ZNF850: variants seen among roughly 807,000 people sequenced by gnomAD.
ZNF850 encodes the protein zinc finger protein 850, also known as putative zinc finger protein ENSP00000330994.
A neutral mutation model predicts 11.9 loss-of-function variants in ZNF850; 2 were observed. The ratio of observed to expected loss-of-function variants is 0.17; its 90% CI spans 0.07 to 0.53. The LOEUF is 0.53. ZNF850 is among the 20% of genes least tolerant of loss of function. ZNF850 has a pLI of 0.94. For synonymous variants in ZNF850, 381 were observed against 443.0 expected (o/e 0.86, Z 1.76); for missense variants, 1,014 against 1,316.4 (o/e 0.77, Z 3.55).
rs893801695 is a variant in ZNF850, at chr19:36,743,636, A to G, written c.*4131T>C. ...GTTTAGTACATAGTAATAGTAATCA[A>G]TTACACAACAGAAAAAATATCCCAA... On this transcript the variant is annotated 3_prime_UTR_variant, in exon 5 of 5. Coordinates refer to ENST00000591344, the MANE Select transcript of ZNF850 (RefSeq NM_001193552.2). 2.6e-5 allele frequency: 4 copies of G among 151,554 alleles called. No individual in the cohort carries two copies. Among genetic ancestry groups the G allele is most frequent in the Non-Finnish European group, 5.9e-5 (4 of 67,888 alleles). The allele number at this position is 151,554 out of a possible 1,614,324, so 9.4% of individuals were successfully genotyped here.
At chr19:36,771,941 A>G (rs1040141928) in intron 1 of ZNF850, among the ~76,000 whole-genome samples, 1 of 152,156 alleles carries the variant, frequency 6.6e-6, no homozygotes, top group African/African-American at 2.4e-5. Context: ...TAATTACCCC[A>G]GCCTGGAAGC....
Position 36,748,264 on chromosome 19 carries a change from G to A in ZNF850, c.2776C>T (p.Arg926Ter), listed in dbSNP as rs1467633240. 4 of 1,556,946 alleles carry A rather than the reference G, an allele frequency of 2.6e-6. No individual in the cohort carries two copies. Among genetic ancestry groups the A allele is most frequent in the Non-Finnish European group, 3.5e-6 (4 of 1,154,868 alleles). The change falls in exon 5 of 5, where the codon CGA becomes TGA. Residue 926 changes from arginine (R) to a stop codon, truncating the protein, a stop_gained. Transcript: ENST00000591344. LOFTEE classifies it low-confidence loss of function (END_TRUNC). ...QRIHTGEKPY[R>*]CHECGKAFVR... ...AAGGCTTTTCCACATTCATGACATCGATAAGGTTTCTCACCAGTATGGATT... is the reference window on the plus strand; with the variant it reads ...AAGGCTTTTCCACATTCATGACATCAATAAGGTTTCTCACCAGTATGGATT...
At chr19:36,755,572 G>A (rs930395464) in intron 4 of ZNF850, among the ~76,000 whole-genome samples, 15 of 151,970 alleles carry the variant, frequency 9.9e-5, no homozygotes, top group Admixed American at 5.9e-4. Flanking sequence ...ATCATGGGCC[G>A]GGCTGTGTCT....
Position 36,753,273 on chromosome 19 carries a change from A to G in ZNF850, c.236-2469T>C, listed in dbSNP as rs564987147. ...GACAGAGCGAGACTTCATCTCAGGA[A>G]AAAAAAAAAAAAAAAAAAAGTAAAA... On this transcript the variant is annotated intron_variant, in intron 4 of 4. Transcript: ENST00000591344. Among the ~76,000 whole-genome samples, 731 of 138,846 alleles carry G rather than the reference A, an allele frequency of 5.3e-3. 20 individuals are homozygous for G. The highest frequency in any genetic ancestry group is 0.035 in the Admixed American group (489 of 13,792). 91.1% of individuals were successfully genotyped at this position (138,846 alleles called of 152,430 possible).
rs2040409825 is a variant in ZNF850 at position 36,746,053 on chromosome 19, G to A, written c.*1714C>T. On this transcript the variant is annotated 3_prime_UTR_variant, in exon 5 of 5. Coordinates refer to ENST00000591344, the MANE Select transcript of ZNF850 (RefSeq NM_001193552.2). ...TCTTGTGACTTAGAATGACTTATCT[G>A]TCTAGGAATGCAGTCCAGTAGGTTT... 2 of 152,154 alleles carry A rather than the reference G, an allele frequency of 1.3e-5. No homozygotes were observed. Among genetic ancestry groups the A allele is most frequent in the African/African-American group, 4.8e-5 (2 of 41,420 alleles). The allele number at this position is 152,154 out of a possible 1,614,324, so 9.4% of individuals were successfully genotyped here. A position where few individuals can be genotyped will look rare whatever the true frequency, so the allele number is the denominator to read the frequency against.
intron 1 of ZNF850, 121 bp downstream of exon 1, chr19:36,772,604 A>C (rs905813743): frequency 6.5e-6 from 1 of 153,714 alleles, no homozygotes; most frequent in African/African-American, 2.4e-5. Context: ...GATCACCCAG[A>C]GTCAGCACCA....
chr19:36,762,236 GA>G, intron 3 of ZNF850, 68 bp downstream of exon 3: 1 of 1,354,620 alleles, frequency 7.4e-7, no homozygotes, highest in Non-Finnish European at 9.8e-7. Context: ...GGCAACAGGT[GA>G]AAAGTCACCC....
At chr19:36,762,896 T>C (rs2040527827) in intron 1 of ZNF850, among the ~76,000 whole-genome samples, 1 of 152,056 alleles carries the variant, frequency 6.6e-6, no homozygotes, top group African/African-American at 2.4e-5. Context: ...TTTTTTGTTT[T>C]TGTTTTCGTT....
chr19:36,748,585 C>T lies in ZNF850; in HGVS notation c.2455G>A (p.Gly819Arg). ...GCTGAGCGAAGAGTAAAAGATTTCC[C>T]ACATTCCTTGCAATGATAAGGTTTC... ...GEKPYHCKEC[G>R]KSFTLRSALI... Residue 819 changes from glycine (G) to arginine (R), a missense_variant, in exon 5 of 5, where the codon GGG becomes AGG. By Grantham distance (125) the Gly-to-Arg change is moderately radical. This residue lies in a region of ZNF850 where 835 missense variants were observed against 1,022.0 expected (regional missense o/e 0.82). Transcript: ENST00000591344. The T allele has an allele frequency of 6.5e-7, 1 of 1,537,110 alleles. No individual in the cohort carries two copies. The highest frequency in any genetic ancestry group is 8.7e-7 in the Non-Finnish European group (1 of 1,146,922).
At chr19:36,763,971 G>T (rs2040534328) in intron 1 of ZNF850, among the ~76,000 whole-genome samples, 1 of 151,952 alleles carries the variant, frequency 6.6e-6, no homozygotes, top group South Asian at 2.1e-4. Context: ...CAAAGGCCAG[G>T]TGTGATGGCT....
intron 1 of ZNF850, among the ~76,000 whole-genome samples, chr19:36,770,527 C>T (rs1226576207): frequency 1.3e-5 from 2 of 151,738 alleles, no homozygotes; most frequent in African/African-American, 4.8e-5. Context: ...GGTGAAACCC[C>T]GTCTCTACTA....
chr19:36,750,253 T>C lies in ZNF850; in HGVS notation c.787A>G (p.Arg263Gly). ...HECQESVKAF[R>G]PSAHLIQHWR... The stretch of plus-strand genomic sequence containing the variant: ...TGTTGAATAAGATGTGCAGACGGTC[T>C]AAAGGCCTTCACGGATTCCTGACAC... Residue 263 changes from arginine (R) to glycine (G), a missense_variant, in exon 5 of 5, where the codon AGA becomes GGA. Physicochemically the swap from Arg to Gly is moderately radical, Grantham distance 125. Around this residue, in one of 2 missense-constraint regions of ZNF850, gnomAD observed 835 missense variants for 1,022.0 expected, o/e 0.82. Coordinates refer to ENST00000591344, the MANE Select transcript of ZNF850 (RefSeq NM_001193552.2). 1 of 1,537,646 alleles carries C rather than the reference T, an allele frequency of 6.5e-7. No individual in the cohort carries two copies. The highest frequency in any genetic ancestry group is 8.7e-7 in the Non-Finnish European group (1 of 1,146,848).
rs2073335246 is a variant in ZNF850, at chr19:36,750,888, C to T, written c.236-84G>A. ...ATCTATGGTAGAAAGGGGAGACAAA[C>T]TGAAAATAATGTCCTTAAGAATTAA... On this transcript the variant is annotated intron_variant, in intron 4 of 4. Coordinates refer to ENST00000591344, the MANE Select transcript of ZNF850 (RefSeq NM_001193552.2). 4 of 1,333,302 alleles carry T rather than the reference C, an allele frequency of 3.0e-6. No individual in the cohort carries two copies. In the African/African-American group the frequency reaches 4.4e-5, roughly 15 times the overall value. 82.6% of individuals were successfully genotyped at this position (1,333,302 alleles called of 1,614,324 possible). A position where few individuals can be genotyped will look rare whatever the true frequency, so the allele number is the denominator to read the frequency against.
chr19:36,771,307 G>A (rs893314555), intron 1 of ZNF850, among the ~76,000 whole-genome samples: 9 of 152,208 alleles, frequency 5.9e-5, no homozygotes, highest in Admixed American at 2.0e-4. Flanking sequence ...GGGCTGTCTT[G>A]AAGAAAGCAC....
intron 1 of ZNF850, among the ~76,000 whole-genome samples, chr19:36,770,467 G>A (rs2040574008): frequency 6.6e-6 from 1 of 152,102 alleles, no homozygotes; most frequent in Non-Finnish European, 1.5e-5. Context: ...GGGAGGCCGA[G>A]GCAGGCAGAT....
intron 4 of ZNF850, 87 bp downstream of exon 4, chr19:36,761,556 C>T (rs1600613397): frequency 1.5e-6 from 1 of 681,034 alleles, no homozygotes. Context: ...GAAGAGACTC[C>T]TCAACCAATA....
At chr19:36,770,816 G>GA (rs758582248) in intron 1 of ZNF850, among the ~76,000 whole-genome samples, 21 of 144,896 alleles carry the variant, frequency 1.4e-4, no homozygotes, top group African/African-American at 4.0e-4. Context: ...CTGTATTTGA[G>GA]AAAATCACAG....
Position 36,746,287 on chromosome 19 carries a change from G to A in ZNF850, c.*1480C>T, listed in dbSNP as rs147840725. ...TTATGGTGGCCTATGATTATCTTAG[G>A]CACCACTACTTGTTTTAGGGCATCA... On this transcript the variant is annotated 3_prime_UTR_variant, in exon 5 of 5. Transcript: ENST00000591344. 1 of 152,180 alleles carries A rather than the reference G, an allele frequency of 6.6e-6. No individual in the cohort carries two copies. The highest frequency in any genetic ancestry group is 2.4e-5 in the African/African-American group (1 of 41,518). 9.4% of individuals were successfully genotyped at this position (152,180 alleles called of 1,614,324 possible).
chr19:36,763,315 T>C (rs2040530394), intron 1 of ZNF850, among the ~76,000 whole-genome samples: 1 of 152,140 alleles, frequency 6.6e-6, no homozygotes, highest in Non-Finnish European at 1.5e-5. Flanking sequence ...CCAAGGCGGA[T>C]GGATCACCTG....
Sources: gnomAD v4.1 joint callset for allele counts (sites outside exome capture counted in the v4.1 genomes callset) on GRCh38, gnomAD v4.1.1 for gene constraint, gnomAD v4.1.1 regional missense constraint, MANE v1.5 for transcripts, NCBI Gene and HGNC (gene_info 2026-07-23, HGNC 2026-07-21) for gene names.